RCN1: variants seen among roughly 807,000 people sequenced by gnomAD.
RCN1 encodes the protein reticulocalbin-1.
RCN1 carries 14 observed loss-of-function variants against 34.7 expected under a neutral mutation model. That is an observed-to-expected ratio of 0.40 (90% CI 0.27 to 0.63). The LOEUF is 0.63. Ranked by LOEUF, RCN1 falls within the 30% of genes least tolerant of loss-of-function variation. The pLI is 0.37. For missense variants in RCN1, 326 were observed against 425.1 expected (o/e 0.77, Z 2.05); for synonymous variants, 125 against 165.5 (o/e 0.76, Z 1.88).
intron 3 of RCN1, among the ~76,000 whole-genome samples, chr11:32,099,588 T>A (rs1315676534): frequency 6.6e-6 from 1 of 152,198 alleles, no homozygotes; most frequent in Non-Finnish European, 1.5e-5. Context: ...TTCCGTAGTG[T>A]CTTGTTGGGT....
At chr11:32,103,564 T>C in intron 5 of RCN1, 84 bp downstream of exon 5, 1 of 1,187,102 alleles carries the variant, frequency 8.4e-7, no homozygotes, top group South Asian at 1.3e-5. Context: ...GGCGATAGCA[T>C]TGACCCATGT....
intron 1 of RCN1, among the ~76,000 whole-genome samples, chr11:32,095,967 T>C (rs1405035691): frequency 1.3e-5 from 2 of 152,150 alleles, no homozygotes; most frequent in African/African-American, 4.8e-5. Flanking sequence ...GGTGGAGACA[T>C]TGATTATTCA....
rs1852000167 is a variant in RCN1, at chr11:32,098,547, C to G, written c.627+19C>G. On this transcript the variant is annotated intron_variant, in intron 3 of 5. Coordinates refer to ENST00000054950, the MANE Select transcript of RCN1 (RefSeq NM_002901.4). ...GGTTTTGGTAAGATAAGTGAAGAGT[C>G]TGGGCTGGGAAGAGACCAGGGAGAA... The G allele has an allele frequency of 3.2e-6, 5 of 1,586,000 alleles. No homozygotes were observed. The highest frequency in any genetic ancestry group is 4.3e-6 in the Non-Finnish European group (5 of 1,166,496).
At chr11:32,104,060 G>C (rs1273466432) in intron 5 of RCN1, among the ~76,000 whole-genome samples, 1 of 152,216 alleles carries the variant, frequency 6.6e-6, no homozygotes, top group Admixed American at 6.5e-5. Flanking sequence ...GGCTGTAAGA[G>C]GAAAGTGGCA....
rs768116592 is a variant in RCN1 at position 32,091,280 on chromosome 11, G to A, written c.84G>A (p.Arg28=). ...LALVLAPRVL[R]AKPTVRKERV... The stretch of plus-strand genomic sequence containing the variant: ...TGGTGCTGGCGCCGCGGGTTCTGCG[G>A]GCCAAGCCCACGGTGCGCAAAGAGC... Residue 28 remains arginine (R), a synonymous_variant, in exon 1 of 6, where the codon CGG becomes CGA. Transcript: ENST00000054950. 14 of 1,542,158 alleles carry A rather than the reference G, an allele frequency of 9.1e-6. No homozygotes were observed. The highest frequency in any genetic ancestry group is 3.6e-5 in the South Asian group (3 of 83,202).
chr11:32,102,650 A>G, intron 4 of RCN1: 1 of 181,312 alleles, frequency 5.5e-6, no homozygotes, highest in Non-Finnish European at 1.2e-5. Context: ...TATAAACAAT[A>G]GTACTAAACA....
intron 1 of RCN1, 170 bp downstream of exon 1, chr11:32,091,620 G>GC: frequency 3.7e-6 from 3 of 808,178 alleles, no homozygotes; most frequent in Non-Finnish European, 3.6e-6. Flanking sequence ...TTGCTGGAGG[G>GC]CCCCGGGACC....
chr11:32,094,951 G>A (rs889505134), intron 1 of RCN1, among the ~76,000 whole-genome samples: 4 of 152,282 alleles, frequency 2.6e-5, no homozygotes, highest in Admixed American at 1.3e-4. Flanking sequence ...AATATTTATT[G>A]AGTCCCTAAT....
rs2133480076 is a variant in RCN1, at chr11:32,105,659, A to G, written c.*1187A>G. ...AAGGTTCTGGGGTTTTTTTTCATCC[A>G]ATTACTAGAATGTTCAGAATAGACT... On this transcript the variant is annotated 3_prime_UTR_variant, in exon 6 of 6. Coordinates refer to ENST00000054950, the MANE Select transcript of RCN1 (RefSeq NM_002901.4). 1.3e-5 allele frequency: 2 copies of G among 152,292 alleles called. No homozygotes were observed. The highest frequency in any genetic ancestry group is 4.1e-4 in the South Asian group (2 of 4,826). 9.4% of individuals were successfully genotyped at this position (152,292 alleles called of 1,614,324 possible).
At chr11:32,092,111 C>A (rs1395323814) in intron 1 of RCN1, among the ~76,000 whole-genome samples, 2 of 151,840 alleles carry the variant, frequency 1.3e-5, no homozygotes, top group Non-Finnish European at 2.9e-5. Flanking sequence ...AGTTCGAGAC[C>A]AGCCTGACCA....
At chr11:32,101,362 C>G (rs1469189809) in intron 4 of RCN1, among the ~76,000 whole-genome samples, 1 of 151,974 alleles carries the variant, frequency 6.6e-6, no homozygotes, top group Non-Finnish European at 1.5e-5. Context: ...CATGGCAGCT[C>G]TTTTCCCAAG....
intron 1 of RCN1, among the ~76,000 whole-genome samples, chr11:32,092,809 A>G (rs893052237): frequency 1.3e-5 from 2 of 152,166 alleles, no homozygotes; most frequent in Non-Finnish European, 2.9e-5. Flanking sequence ...CTGCCACATG[A>G]AAGAGAACAC....
At chr11:32,102,929 A>T in intron 4 of RCN1, 1 of 449,846 alleles carries the variant, frequency 2.2e-6, no homozygotes, top group South Asian at 1.7e-5. Flanking sequence ...TGGGTTGTAG[A>T]GGGCTTTTAC....
chr11:32,103,205 C>T, intron 4 of RCN1, 76 bp from the exon 5 acceptor site: 1 of 1,364,490 alleles, frequency 7.3e-7, no homozygotes, highest in Admixed American at 1.7e-5. Context: ...CTCAGGAGGT[C>T]AAGTTTGTTT....
In RCN1 at chr11:32,105,079, T is replaced by G. The variant is rs979944079; in HGVS notation, c.*607T>G. The G allele has an allele frequency of 1.2e-5, 2 of 167,094 alleles. No individual in the cohort carries two copies. Among genetic ancestry groups the G allele is most frequent in the Admixed American group, 1.3e-4 (2 of 15,284 alleles). 10.4% of individuals were successfully genotyped at this position (167,094 alleles called of 1,614,324 possible). On this transcript the variant is annotated 3_prime_UTR_variant, in exon 6 of 6. Transcript: ENST00000054950. ...CTAATATGCACAGTAAATCCATGTC[T>G]TTGTTTGTTTTTCTATTAAAAAGCA... is the stretch of plus-strand genomic sequence containing the variant.
At position 32,093,483 on chromosome 11, in the gene RCN1, G is replaced by A. The variant is rs184569467; in HGVS notation, c.254+2033G>A. Among the ~76,000 whole-genome samples, 40 of 152,278 alleles carry A rather than the reference G, an allele frequency of 2.6e-4. No individual in the cohort carries two copies. The East Asian group carries it at 3.5e-3, about 13-fold the overall frequency. ...GTGAGCACATTCAGGAGAAGGAGCCGCCAAGGCTGCAGGTTAGAGAGAGGG... is the reference window on the plus strand; with the variant it reads ...GTGAGCACATTCAGGAGAAGGAGCCACCAAGGCTGCAGGTTAGAGAGAGGG... On this transcript the variant is annotated intron_variant, in intron 1 of 5. Coordinates refer to ENST00000054950, the MANE Select transcript of RCN1 (RefSeq NM_002901.4).
chr11:32,094,298 T>C lies in RCN1; in HGVS notation c.255-2846T>C, dbSNP rs115897011. 8.2e-4 allele frequency among the ~76,000 whole-genome samples: 125 copies of C among 152,198 alleles called. 1 individual carries two copies. The highest frequency in any genetic ancestry group is 2.9e-3 in the African/African-American group (121 of 41,518). ...GACACCTGGACCAGAGGTTGCAAAG[T>C]GGGAACCCGTAGGCTGCATGCATTC... On this transcript the variant is annotated intron_variant, in intron 1 of 5. Coordinates refer to ENST00000054950, the MANE Select transcript of RCN1 (RefSeq NM_002901.4).
chr11:32,098,606 G>A (rs1174471556), intron 3 of RCN1, 78 bp downstream of exon 3: 1 of 1,195,812 alleles, frequency 8.4e-7, no homozygotes, highest in Non-Finnish European at 1.2e-6. Context: ...TCCAAAGAGA[G>A]AAGATTTTTC....
chr11:32,091,715 A>T, intron 1 of RCN1: 1 of 459,372 alleles, frequency 2.2e-6, no homozygotes, highest in Non-Finnish European at 3.8e-6. Context: ...CGCGGGAGCC[A>T]GGACGGCGAG....
Sources: allele counts gnomAD v4.1 joint callset (sites outside exome capture counted in the v4.1 genomes callset), GRCh38; gene constraint gnomAD v4.1.1; transcripts MANE v1.5; gene names NCBI Gene and HGNC (gene_info 2026-07-23, HGNC 2026-07-21).